RFWD3: variants seen among roughly 807,000 people sequenced by gnomAD.
RFWD3 encodes the protein E3 ubiquitin-protein ligase RFWD3.
In RFWD3, 65 loss-of-function variants were observed where a neutral mutation model predicts 87.7. The observed-to-expected ratio is 0.74, with a 90% CI of 0.61 to 0.91. The LOEUF is 0.91. Ranked by LOEUF, RFWD3 falls within the 40% of genes least tolerant of loss-of-function variation. RFWD3 has a pLI of 0.00. For synonymous variants in RFWD3, 433 were observed against 352.8 expected, an observed-to-expected ratio of 1.23 and a Z score of -2.55; for missense variants, 1,078 against 938.5, an observed-to-expected ratio of 1.15 and a Z score of -1.94.
At chr16:74,662,903 GCTT>G (rs555569910) in intron 1 of RFWD3, among the ~76,000 whole-genome samples, 2,310 of 151,642 alleles carry the variant, frequency 0.015, 44 homozygotes, top group African/African-American at 0.048. Context: ...GAATGGTCAT[GCTT>G]CTTTTTTTTT....
Position 74,648,402 on chromosome 16 carries a change from G to A in RFWD3, c.792+730C>T, listed in dbSNP as rs562557413. On this transcript the variant is annotated intron_variant, in intron 4 of 12. Transcript: ENST00000361070. ...ACTCCCTACTTCAGGTGATCCACCC[G>A]CCTTGGCCTCCCAAAGTGCTGGGAT... Among the ~76,000 whole-genome samples the A allele has an allele frequency of 5.3e-5, 8 of 150,878 alleles. No individual in the cohort carries two copies. The East Asian group carries it at 8.1e-4, about 15-fold the overall frequency.
At chr16:74,639,337 G>A (rs953509253) in intron 6 of RFWD3, among the ~76,000 whole-genome samples, 6 of 152,024 alleles carry the variant, frequency 3.9e-5, no homozygotes, top group Non-Finnish European at 5.9e-5. Context: ...TACACCCAGT[G>A]CGCTAAGCCA....
At chr16:74,650,356 T>C (rs7203192) in intron 3 of RFWD3, among the ~76,000 whole-genome samples, 1,582 of 151,682 alleles carry the variant, frequency 0.01, 29 homozygotes, top group African/African-American at 0.036. Flanking sequence ...TTCAGGGCTT[T>C]TTTTTTTTTT....
intron 2 of RFWD3, among the ~76,000 whole-genome samples, chr16:74,660,280 A>C (rs989937809): frequency 6.6e-6 from 1 of 152,174 alleles, no homozygotes; most frequent in Non-Finnish European, 1.5e-5. Context: ...AAAACAAAAC[A>C]AAACCAAAAA....
intron 6 of RFWD3, among the ~76,000 whole-genome samples, chr16:74,641,330 T>A (rs1959626616): frequency 6.6e-6 from 1 of 151,962 alleles, no homozygotes; most frequent in African/African-American, 2.4e-5. Context: ...GCCCGGCTAA[T>A]TTTTGTATTT....
At position 74,629,058 on chromosome 16, in the gene RFWD3, C is replaced by T. The variant is rs117287129; in HGVS notation, c.1755-392G>A. ...AATAAAGATCCCAAGTTGTAGTTGA[C>T]AGACCCCACAATTAAAATACAGCTA... On this transcript the variant is annotated intron_variant, in intron 10 of 12. Coordinates refer to ENST00000361070, the MANE Select transcript of RFWD3 (RefSeq NM_018124.4). Among the ~76,000 whole-genome samples, 1,040 of 152,302 alleles carry T rather than the reference C, an allele frequency of 6.8e-3. 4 individuals carry two copies. The highest frequency in any genetic ancestry group is 0.011 in the Non-Finnish European group (748 of 68,030).
chr16:74,645,956 G>C (rs987357036), intron 4 of RFWD3, among the ~76,000 whole-genome samples: 1 of 151,094 alleles, frequency 6.6e-6, no homozygotes, highest in South Asian at 2.1e-4. Flanking sequence ...CACCGTGTTA[G>C]TTAGGATGGT....
intron 10 of RFWD3, among the ~76,000 whole-genome samples, chr16:74,629,189 T>C (rs1016354668): frequency 6.6e-6 from 1 of 152,230 alleles, no homozygotes; most frequent in Non-Finnish European, 1.5e-5. Context: ...CTCAGAAATA[T>C]CATCCTTCCG....
chr16:74,630,448 C>T (rs1177180403), intron 10 of RFWD3, among the ~76,000 whole-genome samples: 4 of 152,190 alleles, frequency 2.6e-5, no homozygotes, highest in Non-Finnish European at 4.4e-5. Context: ...ACAGATTAAG[C>T]TCACAGTGGG....
intron 11 of RFWD3, 83 bp downstream of exon 11, chr16:74,628,369 C>T: frequency 7.5e-7 from 1 of 1,341,638 alleles, no homozygotes. Flanking sequence ...CACAGCCACC[C>T]AAAGGGTAGG....
chr16:74,660,076 A>T (rs990341332), intron 2 of RFWD3, among the ~76,000 whole-genome samples: 6 of 151,994 alleles, frequency 3.9e-5, no homozygotes, highest in African/African-American at 1.5e-4. Flanking sequence ...TAATAAAAAC[A>T]AGAAGAAAGA....
intron 11 of RFWD3, among the ~76,000 whole-genome samples, chr16:74,626,920 G>C (rs935761589): frequency 2.6e-5 from 4 of 152,258 alleles, no homozygotes; most frequent in East Asian, 1.9e-4. Context: ...CCTTCCCCCA[G>C]TGAGAACCTC....
At chr16:74,652,607 C>A (rs1020754474) in intron 2 of RFWD3, among the ~76,000 whole-genome samples, 2 of 152,070 alleles carry the variant, frequency 1.3e-5, no homozygotes, top group Admixed American at 6.6e-5. Context: ...TAGTATTTTT[C>A]TTTTAAAATT....
intron 3 of RFWD3, among the ~76,000 whole-genome samples, chr16:74,650,137 T>C (rs1425665175): frequency 2.0e-5 from 3 of 152,232 alleles, no homozygotes; most frequent in African/African-American, 7.2e-5. Flanking sequence ...ACATAAAACA[T>C]TAAAAATTGT....
chr16:74,638,974 C>A (rs1959387929), intron 6 of RFWD3, among the ~76,000 whole-genome samples: 1 of 150,626 alleles, frequency 6.6e-6, no homozygotes, highest in Admixed American at 6.7e-5. Flanking sequence ...ATACTATAGG[C>A]AATGGTACTA....
At position 74,660,876 on chromosome 16, in the gene RFWD3, A is replaced by G. The variant is rs148877733; in HGVS notation, c.518+56T>C. The G allele has an allele frequency of 1.2e-4, 179 of 1,534,956 alleles. No individual in the cohort carries two copies. In the East Asian group the frequency reaches 3.9e-3, roughly 34 times the overall value. ...GTCAGTCCTTGAATGGCAGAGCCTCAGTTTCATAATTTCTAGTACAGCAAT... is the reference window on the plus strand; with the variant it reads ...GTCAGTCCTTGAATGGCAGAGCCTCGGTTTCATAATTTCTAGTACAGCAAT... On this transcript the variant is annotated intron_variant, in intron 2 of 12. Transcript: ENST00000361070.
chr16:74,646,185 G>T (rs1003387511), intron 4 of RFWD3, among the ~76,000 whole-genome samples: 2 of 151,304 alleles, frequency 1.3e-5, no homozygotes. Flanking sequence ...AACCAGACTG[G>T]ACAACATAGC....
chr16:74,630,282 T>C (rs1277309067), intron 10 of RFWD3, among the ~76,000 whole-genome samples: 1 of 152,234 alleles, frequency 6.6e-6, no homozygotes, highest in East Asian at 1.9e-4. Flanking sequence ...GTATTTTCAG[T>C]AGAGACGGGG....
chr16:74,649,522 T>C (rs1001166117), intron 3 of RFWD3, among the ~76,000 whole-genome samples: 2 of 152,214 alleles, frequency 1.3e-5, no homozygotes, highest in African/African-American at 4.8e-5. Flanking sequence ...TATTTTCTTT[T>C]GGTTGGAATA....
Sources: gnomAD v4.1 joint callset for allele counts (sites outside exome capture counted in the v4.1 genomes callset) on GRCh38, gnomAD v4.1.1 for gene constraint, MANE v1.5 for transcripts, NCBI Gene and HGNC (gene_info 2026-07-23, HGNC 2026-07-21) for gene names.